PDE1C: variants seen among roughly 807,000 people sequenced by gnomAD.
PDE1C encodes the protein dual specificity calcium/calmodulin-dependent 3',5'-cyclic nucleotide phosphodiesterase 1C.
In PDE1C, 62 loss-of-function variants were observed where a neutral mutation model predicts 93.1. The observed-to-expected ratio is 0.67, with a 90% CI of 0.54 to 0.82. The LOEUF (loss-of-function observed/expected upper bound fraction) is 0.82. Ranked by LOEUF, PDE1C falls within the 40% of genes least tolerant of loss-of-function variation. PDE1C has a pLI of 0.00. For synonymous variants in PDE1C, 325 were observed against 310.1 expected (o/e 1.05, Z -0.50); for missense variants, 742 against 884.6 (o/e 0.84, Z 2.04).
chr7:31,809,370 T>C (rs1217913014), intron 15 of PDE1C, among the ~76,000 whole-genome samples: 1 of 152,078 alleles, frequency 6.6e-6, no homozygotes, highest in Non-Finnish European at 1.5e-5. Context: ...AGTTAAGATT[T>C]ACTGTTAAGC....
In PDE1C at chr7:31,895,455, C is replaced by T. The variant is rs538881651; in HGVS notation, c.129-14595G>A. ...ACCCTGCTGTCTTGGAGAGTAACAG[C>T]GAGCAGAATAAAGAAATCTCAAAGT... On this transcript the variant is annotated intron_variant, in intron 2 of 17. Coordinates refer to ENST00000396191, the MANE Select transcript of PDE1C (RefSeq NM_001191057.4). Among the ~76,000 whole-genome samples, 8 of 152,168 alleles carry T rather than the reference C, an allele frequency of 5.3e-5. No individual in the cohort carries two copies. The South Asian group carries it at 1.2e-3, about 24-fold the overall frequency.
chr7:32,068,397 T>C (rs898895728), intron 1 of PDE1C, among the ~76,000 whole-genome samples: 1 of 152,128 alleles, frequency 6.6e-6, no homozygotes, highest in Admixed American at 6.5e-5. Context: ...CTGTTATGTT[T>C]AAAAAGAAGA....
chr7:31,926,531 G>C (rs1228374846), intron 2 of PDE1C, among the ~76,000 whole-genome samples: 4 of 152,218 alleles, frequency 2.6e-5, no homozygotes. Context: ...CCGGTCTGCA[G>C]CTCCCAGCAA....
At chr7:32,338,731 C>T (rs1343193610) in intron 1 of PDE1C, among the ~76,000 whole-genome samples, 2 of 152,150 alleles carry the variant, frequency 1.3e-5, no homozygotes, top group African/African-American at 4.8e-5. Flanking sequence ...AGGCCGGGCA[C>T]GGTGGCTCAC....
intron 1 of PDE1C, among the ~76,000 whole-genome samples, chr7:32,360,475 A>G (rs1199552375): frequency 1.6e-5 from 1 of 61,704 alleles, no homozygotes; most frequent in African/African-American, 3.3e-5. Context: ...TCTGACTTCA[A>G]AGGGAAGCGG....
At chr7:32,379,599 G>C (rs973207726) in intron 1 of PDE1C, among the ~76,000 whole-genome samples, 1 of 152,060 alleles carries the variant, frequency 6.6e-6, no homozygotes, top group Admixed American at 6.6e-5. Flanking sequence ...TTTTCCTGAG[G>C]GTTTCTCTCT....
At chr7:31,853,406 A>T (rs1423821934) in intron 7 of PDE1C, among the ~76,000 whole-genome samples, 1 of 152,164 alleles carries the variant, frequency 6.6e-6, no homozygotes. Context: ...AATTTGACAG[A>T]GAAAGAAATG....
In PDE1C at chr7:32,420,178, T is replaced by C. The variant is rs1441513550; in HGVS notation, c.310+7644A>G. ...ACACACATATATATGTGTATATATA[T>C]ACACATATATATGTGTATATATATA... On this transcript the variant is annotated intron_variant, in intron 1 of 1. Transcript: ENST00000672256. Among the ~76,000 whole-genome samples the C allele has an allele frequency of 2.4e-4, 11 of 45,220 alleles. 1 individual carries two copies. Among genetic ancestry groups the C allele is most frequent in the African/African-American group, 4.5e-4 (7 of 15,702 alleles). 29.7% of individuals were successfully genotyped at this position (45,220 alleles called of 152,430 possible). A position where few individuals can be genotyped will look rare whatever the true frequency, so the allele number is the denominator to read the frequency against.
At chr7:31,954,698 T>C (rs1807883217) in intron 2 of PDE1C, among the ~76,000 whole-genome samples, 1 of 152,208 alleles carries the variant, frequency 6.6e-6, no homozygotes, top group Non-Finnish European at 1.5e-5. Flanking sequence ...CACCATAGGT[T>C]GGTGCAAAAG....
At chr7:31,940,123 G>C (rs948148789) in intron 2 of PDE1C, among the ~76,000 whole-genome samples, 1 of 152,176 alleles carries the variant, frequency 6.6e-6, no homozygotes, top group Non-Finnish European at 1.5e-5. Context: ...TATTTAGGTT[G>C]GATCTGGGTT....
At chr7:31,719,210 T>C in the PDE1C span, among the ~76,000 whole-genome samples, 2 of 152,272 alleles carry the variant, frequency 1.3e-5, no homozygotes, top group Non-Finnish European at 1.5e-5. Flanking sequence ...TGGATTTCTC[T>C]CCTCCCTGAA....
chr7:32,019,303 G>C (rs779705307), intron 2 of PDE1C, among the ~76,000 whole-genome samples: 1 of 152,092 alleles, frequency 6.6e-6, no homozygotes, highest in Non-Finnish European at 1.5e-5. Context: ...CTGAAAGAAG[G>C]AATCAATTGT....
chr7:31,715,291 T>G, the PDE1C span, among the ~76,000 whole-genome samples: 1 of 151,966 alleles, frequency 6.6e-6, no homozygotes, highest in Non-Finnish European at 1.5e-5. Context: ...CAGAGCAGAG[T>G]GCAGTAGCAC....
intron 11 of PDE1C, among the ~76,000 whole-genome samples, chr7:31,828,761 C>A (rs1008321062): frequency 6.6e-6 from 1 of 152,168 alleles, no homozygotes; most frequent in Non-Finnish European, 1.5e-5. Flanking sequence ...GAACTCCTCC[C>A]AGATGTGGGC....
chr7:31,804,816 T>C (rs767596008), intron 16 of PDE1C, among the ~76,000 whole-genome samples: 1 of 151,816 alleles, frequency 6.6e-6, no homozygotes, highest in Non-Finnish European at 1.5e-5. Context: ...ACGAGGTGGC[T>C]ATTAAGTGAC....
At chr7:31,665,513 T>C in the PDE1C span, among the ~76,000 whole-genome samples, 1 of 152,126 alleles carries the variant, frequency 6.6e-6, no homozygotes, top group Non-Finnish European at 1.5e-5. Flanking sequence ...ATAAGATACT[T>C]AATTAATATT....
intron 1 of PDE1C, among the ~76,000 whole-genome samples, chr7:32,055,923 T>A (rs757795043): frequency 2.0e-5 from 3 of 152,208 alleles, no homozygotes; most frequent in Non-Finnish European, 4.4e-5. Flanking sequence ...TTTCACCATG[T>A]TGGCCAGGCT....
chr7:32,031,476 C>T lies in PDE1C; in HGVS notation c.128+20078G>A, dbSNP rs189029230. On this transcript the variant is annotated intron_variant, in intron 2 of 17. Coordinates refer to ENST00000396191, the MANE Select transcript of PDE1C (RefSeq NM_001191057.4). Reference sequence around the variant, plus strand: ...CTACACTGCTTCAAGGGCAACCCTTCAGAGAAAGGAGAGAATAGGGTGGAA... The same window carrying T: ...CTACACTGCTTCAAGGGCAACCCTTTAGAGAAAGGAGAGAATAGGGTGGAA... Among the ~76,000 whole-genome samples, 647 of 152,250 alleles carry T rather than the reference C, an allele frequency of 4.2e-3. 3 individuals carry two copies. The highest frequency in any genetic ancestry group is 0.015 in the African/African-American group (616 of 41,568).
the PDE1C span, among the ~76,000 whole-genome samples, chr7:31,679,764 G>T: frequency 5.3e-5 from 8 of 152,132 alleles, no homozygotes; most frequent in African/African-American, 1.9e-4. Context: ...CAATTCCCTC[G>T]CCAATTTCCT....
Sources: allele counts gnomAD v4.1 joint callset (sites outside exome capture counted in the v4.1 genomes callset), GRCh38; gene constraint gnomAD v4.1.1; transcripts MANE v1.5; gene names NCBI Gene and HGNC (gene_info 2026-07-23, HGNC 2026-07-21).